TGFA: variants seen among roughly 807,000 people sequenced by gnomAD.
TGFA encodes transforming growth factor alpha.
Under a neutral mutation model 21.7 loss-of-function variants are expected in TGFA, and 12 were observed. The ratio of observed to expected loss-of-function variants is 0.55; its 90% CI spans 0.35 to 0.90. The LOEUF is 0.90. Among genes scored for constraint, TGFA ranks in the 40% least tolerant of loss-of-function variants. The probability of loss-of-function intolerance (pLI) is 0.01; values close to 1 mark genes in which losing one functional copy is unlikely to be tolerated. For missense variants in TGFA, 178 were observed against 210.8 expected, an observed-to-expected ratio of 0.84 and a Z score of 0.96; for synonymous variants, 79 against 88.1, an observed-to-expected ratio of 0.90 and a Z score of 0.58.
chr2:70,484,631 A>G (rs1671219161), intron 2 of TGFA, among the ~76,000 whole-genome samples: 1 of 152,240 alleles, frequency 6.6e-6, no homozygotes, highest in African/African-American at 2.4e-5. Context: ...TACCTCAAAT[A>G]TGAATCTTGA....
chr2:70,481,309 C>T (rs1438106646), intron 2 of TGFA, among the ~76,000 whole-genome samples: 1 of 152,182 alleles, frequency 6.6e-6, no homozygotes, highest in Non-Finnish European at 1.5e-5. Flanking sequence ...GTACTAAGTA[C>T]TACTGCCCCA....
chr2:70,550,150 ACAT>A (rs2103958700), intron 1 of TGFA, among the ~76,000 whole-genome samples: 1 of 152,334 alleles, frequency 6.6e-6, no homozygotes, highest in Non-Finnish European at 1.5e-5. Flanking sequence ...ATTTCCTATG[ACAT>A]CATTCTTTAG....
rs1274827451 is a variant in TGFA at position 70,553,658 on chromosome 2, G to A, written c.40+70C>T. 5 of 1,325,816 alleles carry A rather than the reference G, an allele frequency of 3.8e-6. No homozygotes were observed. In the African/African-American group the frequency reaches 4.6e-5, roughly 12 times the overall value. The allele number at this position is 1,325,816 out of a possible 1,614,324, so 82.1% of individuals were successfully genotyped here. On this transcript the variant is annotated intron_variant, in intron 1 of 5. Transcript: ENST00000295400. The stretch of plus-strand genomic sequence containing the variant: ...GCGGGCGCAGAAACCCCCGGAAAGG[G>A]GAACTCGGCGGGGACCGGGGGAAGC...
intron 2 of TGFA, among the ~76,000 whole-genome samples, chr2:70,490,286 G>C (rs781959379): frequency 6.6e-6 from 1 of 152,114 alleles, no homozygotes; most frequent in Non-Finnish European, 1.5e-5. Flanking sequence ...AAATAACAAC[G>C]AATTGCACTA....
chr2:70,516,882 A>G (rs930805228), intron 1 of TGFA, among the ~76,000 whole-genome samples: 13 of 152,104 alleles, frequency 8.5e-5, no homozygotes, highest in African/African-American at 3.1e-4. Flanking sequence ...GCCCCGAACT[A>G]AAGAATTATC....
chr2:70,501,256 A>AT (rs34066419), intron 2 of TGFA, among the ~76,000 whole-genome samples: 304 of 144,798 alleles, frequency 2.1e-3, no homozygotes, highest in Middle Eastern at 0.011. Context: ...TTTGCTTGCA[A>AT]TTTTTTTTTT....
chr2:70,508,184 C>A (rs1671985996), intron 2 of TGFA, among the ~76,000 whole-genome samples: 1 of 152,204 alleles, frequency 6.6e-6, no homozygotes, highest in African/African-American at 2.4e-5. Context: ...GTGGCTCATG[C>A]CTGTAAACCC....
At chr2:70,507,874 C>T (rs2103834870) in intron 2 of TGFA, among the ~76,000 whole-genome samples, 1 of 152,330 alleles carries the variant, frequency 6.6e-6, no homozygotes, top group African/African-American at 2.4e-5. Context: ...TAGACCAATG[C>T]CCTCAGCATG....
At chr2:70,530,736 C>T (rs1389750228) in intron 1 of TGFA, among the ~76,000 whole-genome samples, 1 of 152,218 alleles carries the variant, frequency 6.6e-6, no homozygotes, top group Non-Finnish European at 1.5e-5. Context: ...TCATCTAGCT[C>T]AGCACAGACC....
intron 2 of TGFA, among the ~76,000 whole-genome samples, chr2:70,480,846 C>G (rs1368748931): frequency 2.0e-5 from 3 of 151,372 alleles, no homozygotes; most frequent in Admixed American, 6.6e-5. Flanking sequence ...CCAGGATTCC[C>G]CGTGAGGAAA....
At chr2:70,511,802 A>C (rs1487036977) in intron 2 of TGFA, among the ~76,000 whole-genome samples, 1 of 152,186 alleles carries the variant, frequency 6.6e-6, no homozygotes, top group Non-Finnish European at 1.5e-5. Flanking sequence ...TGATGGGTAT[A>C]CAGGAACTGA....
intron 1 of TGFA, among the ~76,000 whole-genome samples, chr2:70,548,352 A>G (rs1673380607): frequency 6.6e-6 from 1 of 152,200 alleles, no homozygotes; most frequent in Non-Finnish European, 1.5e-5. Flanking sequence ...AGCACCAATC[A>G]ACATTAATCC....
At chr2:70,543,525 C>CAA (rs10580951) in intron 1 of TGFA, among the ~76,000 whole-genome samples, 1 of 117,954 alleles carries the variant, frequency 8.5e-6, no homozygotes, top group African/African-American at 3.1e-5. Flanking sequence ...GACTCTGTCT[C>CAA]AAAAAAAAAA....
At chr2:70,475,430 T>C (rs1553494092) in intron 2 of TGFA, among the ~76,000 whole-genome samples, 1 of 152,130 alleles carries the variant, frequency 6.6e-6, no homozygotes. Context: ...AGTCAGCAAA[T>C]GGCAGAGCGG....
rs1225820941 is a variant in TGFA, at chr2:70,448,494, T to C, written c.*2365A>G. The C allele has an allele frequency of 2.6e-5, 4 of 152,284 alleles. No homozygotes were observed. In the South Asian group the frequency reaches 8.3e-4, roughly 32 times the overall value. The allele number at this position is 152,284 out of a possible 1,614,324, so 9.4% of individuals were successfully genotyped here. ...AACACAGGGAGCTTGCAGAGATGGATTAGAAGATGCATTTTTAACTTGAAA... is the reference window on the plus strand; with the variant it reads ...AACACAGGGAGCTTGCAGAGATGGACTAGAAGATGCATTTTTAACTTGAAA... On this transcript the variant is annotated 3_prime_UTR_variant, in exon 6 of 6. Transcript: ENST00000295400.
chr2:70,510,574 A>G (rs1261623836), intron 2 of TGFA, among the ~76,000 whole-genome samples: 1 of 152,192 alleles, frequency 6.6e-6, no homozygotes, highest in Non-Finnish European at 1.5e-5. Context: ...AAAAACCCTC[A>G]GAAAACTCAG....
chr2:70,526,609 G>T (rs1672643391), intron 1 of TGFA, among the ~76,000 whole-genome samples: 2 of 152,198 alleles, frequency 1.3e-5, no homozygotes, highest in South Asian at 4.1e-4. Context: ...TCTTTTAGCA[G>T]TGTCAATTTA....
chr2:70,534,782 T>C (rs1487704071), intron 1 of TGFA, among the ~76,000 whole-genome samples: 3 of 152,184 alleles, frequency 2.0e-5, no homozygotes, highest in Non-Finnish European at 2.9e-5. Flanking sequence ...ACTCTCATCA[T>C]GGTAAATATG....
chr2:70,503,580 AAT>A lies in TGFA; in HGVS notation c.94+11277_94+11278del, dbSNP rs199953048. Among the ~76,000 whole-genome samples, 634 of 75,248 alleles carry A rather than the reference AAT, an allele frequency of 8.4e-3. 10 individuals are homozygous for A. The highest frequency in any genetic ancestry group is 0.022 in the African/African-American group (607 of 28,216). 49.4% of individuals were successfully genotyped at this position (75,248 alleles called of 152,430 possible). On this transcript the variant is annotated intron_variant, in intron 2 of 5. Coordinates refer to ENST00000295400, the MANE Select transcript of TGFA (RefSeq NM_003236.4). ...CTAAAACCTAAAGTATAATAATAAT[AAT>A]AAAAAAAAAAAAAGAAACTTGCCTA...
Sources: gnomAD v4.1 joint callset for allele counts (sites outside exome capture counted in the v4.1 genomes callset) on GRCh38, gnomAD v4.1.1 for gene constraint, MANE v1.5 for transcripts, NCBI Gene and HGNC (gene_info 2026-07-23, HGNC 2026-07-21) for gene names.